The following LDAH variants were observed in gnomAD, a reference collection of about 807,000 sequenced individuals.
The protein encoded by LDAH is lipid droplet-associated hydrolase.
Under a neutral mutation model 29.6 loss-of-function variants are expected in LDAH, and 26 were observed. The ratio of observed to expected loss-of-function variants is 0.88; its 90% CI spans 0.64 to 1.22. The LOEUF (loss-of-function observed/expected upper bound fraction) is 1.22, where lower values mean the gene tolerates loss of function less well. LDAH is among the 50% of genes most tolerant of loss of function. The pLI is 0.00. For synonymous variants in LDAH, 117 were observed against 133.0 expected (o/e 0.88, Z 0.83); for missense variants, 344 against 387.3 (o/e 0.89, Z 0.94).
At chr2:20,813,337 C>T (rs1271654668) in intron 1 of LDAH, among the ~76,000 whole-genome samples, 1 of 152,126 alleles carries the variant, frequency 6.6e-6, no homozygotes, top group African/African-American at 2.4e-5. Context: ...CAGTGTTTGA[C>T]AAATAGTAGC....
chr2:20,763,326 C>T (rs759276640), intron 4 of LDAH, among the ~76,000 whole-genome samples: 23 of 152,150 alleles, frequency 1.5e-4, no homozygotes, highest in Admixed American at 3.3e-4. Context: ...TTTAACTGTC[C>T]ACAGCATTTC....
At chr2:20,782,826 T>C (rs913872205) in intron 3 of LDAH, among the ~76,000 whole-genome samples, 6 of 152,162 alleles carry the variant, frequency 3.9e-5, no homozygotes, top group Non-Finnish European at 7.3e-5. Context: ...CTTCATTGAT[T>C]TGTGTTCCCA....
intron 4 of LDAH, among the ~76,000 whole-genome samples, chr2:20,769,921 G>C (rs1669289494): frequency 6.6e-6 from 1 of 152,172 alleles, no homozygotes; most frequent in African/African-American, 2.4e-5. Flanking sequence ...GGGAAGAGAA[G>C]AAGTACTTAA....
chr2:20,710,614 A>ATC lies in LDAH; in HGVS notation c.704-8963_704-8962insGA, dbSNP rs1239772153. Among the ~76,000 whole-genome samples the ATC allele has an allele frequency of 1.4e-4, 19 of 132,316 alleles. No homozygotes were observed. The South Asian group carries it at 1.8e-3, about 13-fold the overall frequency. 86.8% of individuals were successfully genotyped at this position (132,316 alleles called of 152,430 possible). On this transcript the variant is annotated intron_variant, in intron 5 of 6. Transcript: ENST00000237822. ...TGTGTGTGTGTGTGTGTGTATATAT[A>ATC]TATATAGATATATATATATAGATAT...
intron 4 of LDAH, among the ~76,000 whole-genome samples, chr2:20,773,709 T>C (rs937987359): frequency 6.6e-6 from 1 of 152,182 alleles, no homozygotes; most frequent in Admixed American, 6.5e-5. Context: ...GCTATAGTTG[T>C]ACATTTCCCA....
intron 3 of LDAH, chr2:20,789,311 TC>T: frequency 6.5e-7 from 1 of 1,546,108 alleles, no homozygotes; most frequent in African/African-American, 1.4e-5. Context: ...GCCTCCTGTG[TC>T]CACCACGAGA....
At chr2:20,692,393 G>A (rs1173714608) in intron 6 of LDAH, among the ~76,000 whole-genome samples, 1 of 152,136 alleles carries the variant, frequency 6.6e-6, no homozygotes, top group Non-Finnish European at 1.5e-5. Flanking sequence ...TAAGAACAAA[G>A]AAATATTAGA....
chr2:20,690,236 T>C (rs544822155), intron 6 of LDAH, among the ~76,000 whole-genome samples: 184 of 152,232 alleles, frequency 1.2e-3, no homozygotes, highest in Middle Eastern at 0.01. Context: ...GACAAATATG[T>C]CCAAGTAATT....
chr2:20,811,297 C>A (rs370772617), intron 1 of LDAH, among the ~76,000 whole-genome samples: 1 of 150,982 alleles, frequency 6.6e-6, no homozygotes, highest in Non-Finnish European at 1.5e-5. Flanking sequence ...GGATTACAGG[C>A]GTGAGCGGCC....
At chr2:20,812,094 A>T (rs1672540777) in intron 1 of LDAH, among the ~76,000 whole-genome samples, 1 of 152,144 alleles carries the variant, frequency 6.6e-6, no homozygotes, top group Non-Finnish European at 1.5e-5. Context: ...ATTTAGTGGG[A>T]GGAAAGGAAG....
intron 5 of LDAH, among the ~76,000 whole-genome samples, chr2:20,739,629 C>T (rs112935070): frequency 0.032 from 4,828 of 152,176 alleles, 258 homozygotes; most frequent in African/African-American, 0.11. Flanking sequence ...TGCTGTTTTT[C>T]GTAAAGTACT....
chr2:20,699,540 ATTAT>A (rs1572420845), intron 6 of LDAH, among the ~76,000 whole-genome samples: 1 of 152,202 alleles, frequency 6.6e-6, no homozygotes, highest in East Asian at 1.9e-4. Flanking sequence ...CTGTAATTGT[ATTAT>A]TCTAGTGGAG....
At chr2:20,775,269 T>A (rs183858512) in intron 3 of LDAH, among the ~76,000 whole-genome samples, 1 of 152,314 alleles carries the variant, frequency 6.6e-6, no homozygotes, top group Non-Finnish European at 1.5e-5. Context: ...CAAATTCAGG[T>A]CTCCAAATCC....
At chr2:20,741,580 G>A (rs1667180003) in intron 4 of LDAH, among the ~76,000 whole-genome samples, 1 of 152,078 alleles carries the variant, frequency 6.6e-6, no homozygotes, top group African/African-American at 2.4e-5. Context: ...TATTACTTCT[G>A]TCTATTTGAG....
chr2:20,766,881 A>G (rs1669078754), intron 4 of LDAH, among the ~76,000 whole-genome samples: 1 of 152,146 alleles, frequency 6.6e-6, no homozygotes, highest in Non-Finnish European at 1.5e-5. Context: ...GGGACCGGCC[A>G]GCAGTGGAGG....
chr2:20,789,087 T>C, intron 3 of LDAH: 1 of 1,536,012 alleles, frequency 6.5e-7, no homozygotes, highest in Non-Finnish European at 8.8e-7. Flanking sequence ...TCTTTCTGTC[T>C]GTTGTACCTC....
intron 6 of LDAH, among the ~76,000 whole-genome samples, chr2:20,699,938 T>C (rs1323618887): frequency 1.3e-5 from 2 of 152,228 alleles, no homozygotes; most frequent in East Asian, 1.9e-4. Context: ...CCAGAAATGA[T>C]GAGTATTTTA....
Position 20,815,358 on chromosome 2 carries a change from G to A in LDAH, c.-3+7679C>T, listed in dbSNP as rs566322732. Among the ~76,000 whole-genome samples, 408 of 151,650 alleles carry A rather than the reference G, an allele frequency of 2.7e-3. 2 individuals carry two copies. Among genetic ancestry groups the A allele is most frequent in the Middle Eastern group, 0.017 (5 of 294 alleles). ...TTAGAGGAAGAGAAGAAAGTATGGC[G>A]CTGAAAAAAATAAAGATATAATAGC... On this transcript the variant is annotated intron_variant, in intron 1 of 6. Transcript: ENST00000237822.
At chr2:20,682,717 C>T (rs1375506436), downstream of LDAH, among the ~76,000 whole-genome samples, 5 of 152,188 alleles carry the variant, frequency 3.3e-5, no homozygotes, top group Admixed American at 3.3e-4. Context: ...TCAGACACTT[C>T]CTGTTAGGAC....
Sources: gnomAD v4.1 joint callset for allele counts (sites outside exome capture counted in the v4.1 genomes callset) on GRCh38, gnomAD v4.1.1 for gene constraint, MANE v1.5 for transcripts, NCBI Gene and HGNC (gene_info 2026-07-23, HGNC 2026-07-21) for gene names.